ADAMTSL1: variants seen among roughly 807,000 people sequenced by gnomAD.
The protein encoded by ADAMTSL1 is ADAMTS like 1.
A neutral mutation model predicts 201.8 loss-of-function variants in ADAMTSL1; 126 were observed. The ratio of observed to expected loss-of-function variants is 0.62; its 90% CI spans 0.54 to 0.72. The LOEUF is 0.72. Ranked by LOEUF, ADAMTSL1 falls within the 30% of genes least tolerant of loss-of-function variation. The pLI, the probability that ADAMTSL1 is intolerant of heterozygous loss-of-function variation, is 0.00. For synonymous variants in ADAMTSL1, 1,121 were observed against 903.4 expected (o/e 1.24, Z -4.32); for missense variants, 2,679 against 2,277.8 (o/e 1.18, Z -3.59).
Position 18,795,539 on chromosome 9 carries a change from CCTGTT to C in ADAMTSL1, c.3805+22_3805+26del, listed in dbSNP as rs1483332592. On this transcript the variant is annotated intron_variant, in intron 20 of 28. Transcript: ENST00000380548. ...CACATTAGCAGGTAACCCAAAAATC[CCTGTT>C]CTGTTCATTTCATAAACCTTTATTG... The C allele has an allele frequency of 2.5e-6, 4 of 1,598,790 alleles. No individual in the cohort carries two copies. In the African/African-American group the frequency reaches 5.3e-5, roughly 21 times the overall value.
At chr9:18,759,469 A>G (rs908861812) in intron 16 of ADAMTSL1, among the ~76,000 whole-genome samples, 1 of 152,240 alleles carries the variant, frequency 6.6e-6, no homozygotes, top group Non-Finnish European at 1.5e-5. Context: ...CAGTTTTGTT[A>G]TATTCCAGTG....
chr9:18,536,949 G>C (rs7855050), intron 3 of ADAMTSL1, among the ~76,000 whole-genome samples: 1 of 151,492 alleles, frequency 6.6e-6, no homozygotes, highest in African/African-American at 2.4e-5. Flanking sequence ...CTATCCTTAA[G>C]GTTCATATGA....
chr9:17,984,939 A>G (rs1818862091), intron 1 of ADAMTSL1, among the ~76,000 whole-genome samples: 1 of 152,168 alleles, frequency 6.6e-6, no homozygotes, highest in African/African-American at 2.4e-5. Flanking sequence ...GCTTCGTAAT[A>G]TCATATCTAA....
At chr9:18,243,900 G>A (rs114963685) in intron 2 of ADAMTSL1, among the ~76,000 whole-genome samples, 1,709 of 151,614 alleles carry the variant, frequency 0.011, 41 homozygotes, top group African/African-American at 0.039. Flanking sequence ...ACTTAGTCAA[G>A]TGGTCACGAA....
At chr9:18,453,270 GAC>G (rs1820482207) in intron 2 of ADAMTSL1, among the ~76,000 whole-genome samples, 1 of 152,132 alleles carries the variant, frequency 6.6e-6, no homozygotes, top group African/African-American at 2.4e-5. Flanking sequence ...AGCTCTGGGT[GAC>G]AAGCCTGTGG....
At chr9:18,785,162 TAA>T in intron 19 of ADAMTSL1, among the ~76,000 whole-genome samples, 1 of 147,350 alleles carries the variant, frequency 6.8e-6, no homozygotes, top group South Asian at 2.2e-4. Context: ...AGACTCCGTC[TAA>T]AAAAAAAAAA....
At chr9:18,539,429 C>G (rs1397938173) in intron 3 of ADAMTSL1, among the ~76,000 whole-genome samples, 1 of 152,222 alleles carries the variant, frequency 6.6e-6, no homozygotes, top group East Asian at 1.9e-4. Flanking sequence ...CCGCTGCATA[C>G]TCAGGGTCTG....
At chr9:18,108,324 C>T (rs1824853624) in intron 1 of ADAMTSL1, among the ~76,000 whole-genome samples, 1 of 151,906 alleles carries the variant, frequency 6.6e-6, no homozygotes, top group African/African-American at 2.4e-5. Flanking sequence ...CTCATCCTCC[C>T]ATGTAGCTGG....
Position 18,619,716 on chromosome 9 carries a change from G to A in ADAMTSL1, c.475-2527G>A, listed in dbSNP as rs775747910. On this transcript the variant is annotated intron_variant, in intron 4 of 28. Coordinates refer to ENST00000380548, the MANE Select transcript of ADAMTSL1 (RefSeq NM_001040272.6). ...ATTATCTCCTTTGGCTCCATTAGAG[G>A]CATCAGAGTCCGTTAAAAATTTTCC... 6.0e-4 allele frequency among the ~76,000 whole-genome samples: 91 copies of A among 152,274 alleles called. 1 individual carries two copies. The highest frequency in any genetic ancestry group is 1.6e-4 in the Non-Finnish European group (11 of 68,016).
At chr9:17,941,827 G>A (rs1827251196) in intron 1 of ADAMTSL1, among the ~76,000 whole-genome samples, 1 of 152,064 alleles carries the variant, frequency 6.6e-6, no homozygotes, top group Admixed American at 6.6e-5. Context: ...CAAGATCAAG[G>A]TGCTAGCAGA....
intron 20 of ADAMTSL1, among the ~76,000 whole-genome samples, chr9:18,805,066 C>A (rs1823021241): frequency 6.6e-6 from 1 of 152,174 alleles, no homozygotes; most frequent in Non-Finnish European, 1.5e-5. Context: ...TTTGGATCTT[C>A]CATGGATATC....
chr9:18,757,138 C>T (rs982932384), intron 16 of ADAMTSL1, among the ~76,000 whole-genome samples: 2 of 152,142 alleles, frequency 1.3e-5, no homozygotes, highest in African/African-American at 2.4e-5. Flanking sequence ...CTTTGCTTTT[C>T]CTCTCTGGTC....
At chr9:18,349,730 C>A (rs147868595) in intron 2 of ADAMTSL1, among the ~76,000 whole-genome samples, 1 of 152,054 alleles carries the variant, frequency 6.6e-6, no homozygotes, top group Non-Finnish European at 1.5e-5. Flanking sequence ...AAAATGCAGT[C>A]ATTCCTGGGT....
chr9:18,176,065 C>A (rs139656995), intron 2 of ADAMTSL1, among the ~76,000 whole-genome samples: 1 of 144,546 alleles, frequency 6.9e-6, no homozygotes, highest in African/African-American at 2.6e-5. Flanking sequence ...GCTAGAGGTG[C>A]AGTTGGACAC....
chr9:18,908,617 C>A lies in ADAMTSL1; in HGVS notation c.*69C>A. On this transcript the variant is annotated 3_prime_UTR_variant, in exon 29 of 29. Transcript: ENST00000380548. ...CTCACGCAACCACCTCGGACAGAAC[C>A]TAAGCTTTCTTCATTTTATTTATTT... is the stretch of plus-strand genomic sequence containing the variant. The A allele has an allele frequency of 8.1e-7, 1 of 1,234,014 alleles. No individual in the cohort carries two copies. Among genetic ancestry groups the A allele is most frequent in the Non-Finnish European group, 1.1e-6 (1 of 882,176 alleles). The allele number at this position is 1,234,014 out of a possible 1,614,324, so 76.4% of individuals were successfully genotyped here.
intron 15 of ADAMTSL1, among the ~76,000 whole-genome samples, chr9:18,735,748 CTT>C (rs71333066): frequency 6.7e-4 from 71 of 106,662 alleles, no homozygotes; most frequent in South Asian, 9.3e-4. Flanking sequence ...ATTCTTTTTT[CTT>C]TTTTTTTTTT....
intron 2 of ADAMTSL1, among the ~76,000 whole-genome samples, chr9:18,223,927 G>T (rs1176196255): frequency 2.0e-5 from 3 of 151,962 alleles, no homozygotes; most frequent in Non-Finnish European, 2.9e-5. Flanking sequence ...TAGGCATTTG[G>T]GATCATTGCT....
intron 1 of ADAMTSL1, among the ~76,000 whole-genome samples, chr9:18,025,745 T>C (rs1820666983): frequency 6.6e-6 from 1 of 152,086 alleles, no homozygotes; most frequent in Non-Finnish European, 1.5e-5. Context: ...TCTCTTTTTT[T>C]GGTTCCATAT....
intron 1 of ADAMTSL1, among the ~76,000 whole-genome samples, chr9:17,979,157 G>C (rs1013537319): frequency 6.6e-6 from 1 of 151,834 alleles, no homozygotes; most frequent in Admixed American, 6.6e-5. Flanking sequence ...GTCTTCTTTG[G>C]GTTGATTTTG....
Sources: gnomAD v4.1 joint callset for allele counts (sites outside exome capture counted in the v4.1 genomes callset) on GRCh38, gnomAD v4.1.1 for gene constraint, MANE v1.5 for transcripts, NCBI Gene and HGNC (gene_info 2026-07-23, HGNC 2026-07-21) for gene names.